Variants in SCHIP1 observed in about 807,000 individuals in gnomAD.
SCHIP1 encodes the protein schwannomin-interacting protein 1.
A neutral mutation model predicts 29.7 loss-of-function variants in SCHIP1; 8 were observed. The observed-to-expected ratio is 0.27, with a 90% CI of 0.16 to 0.49. The LOEUF (loss-of-function observed/expected upper bound fraction) is 0.49, where lower values mean the gene tolerates loss of function less well. SCHIP1 is among the 20% of genes least tolerant of loss of function. The pLI, the probability that SCHIP1 is intolerant of heterozygous loss-of-function variation, is 0.99. For synonymous variants in SCHIP1, 76 were observed against 94.9 expected, an observed-to-expected ratio of 0.80 and a Z score of 1.16; for missense variants, 193 against 294.6, an observed-to-expected ratio of 0.66 and a Z score of 2.52.
At chr3:159,626,293 TAGA>T in the SCHIP1 span, among the ~76,000 whole-genome samples, 2 of 145,664 alleles carry the variant, frequency 1.4e-5, no homozygotes, top group Non-Finnish European at 3.0e-5. Flanking sequence ...GATAGATAGA[TAGA>T]TAGATTTTTT....
At chr3:159,802,541 TA>T in the SCHIP1 span, among the ~76,000 whole-genome samples, 3 of 151,994 alleles carry the variant, frequency 2.0e-5, no homozygotes, top group East Asian at 3.9e-4. Flanking sequence ...TGCCTGATTT[TA>T]AAAAAAAGAA....
At chr3:159,333,613 C>T in the SCHIP1 span, among the ~76,000 whole-genome samples, 1 of 152,100 alleles carries the variant, frequency 6.6e-6, no homozygotes, top group Non-Finnish European at 1.5e-5. Flanking sequence ...ACAGCAGATA[C>T]AAATGACAAG....
At chr3:159,305,337 G>A in the SCHIP1 span, among the ~76,000 whole-genome samples, 3 of 152,276 alleles carry the variant, frequency 2.0e-5, no homozygotes, top group South Asian at 6.2e-4. Context: ...TCAGCTCTTG[G>A]CTCTTGAACA....
chr3:159,838,069 G>T (rs1463815183), upstream of SCHIP1, among the ~76,000 whole-genome samples: 2 of 152,140 alleles, frequency 1.3e-5, no homozygotes, highest in Non-Finnish European at 2.9e-5. Context: ...TGCTGAAATT[G>T]AAGCCTCTGA....
At chr3:159,677,406 T>C in the SCHIP1 span, among the ~76,000 whole-genome samples, 2 of 152,076 alleles carry the variant, frequency 1.3e-5, no homozygotes, top group African/African-American at 2.4e-5. Context: ...CAACGCCCCA[T>C]GGTTCAGGGA....
At chr3:159,561,167 G>A in the SCHIP1 span, among the ~76,000 whole-genome samples, 1 of 152,114 alleles carries the variant, frequency 6.6e-6, no homozygotes, top group South Asian at 2.1e-4. Flanking sequence ...TCAGACTAGG[G>A]TCATTATTTT....
the SCHIP1 span, among the ~76,000 whole-genome samples, chr3:159,704,417 T>TAAAAAAAAAAAAAAAAAAAAAAAA: frequency 5.4e-5 from 5 of 92,642 alleles, no homozygotes; most frequent in African/African-American, 2.1e-4. Flanking sequence ...CAATTTTTTC[T>TAAAAAAAAAAAAAAAAAAAAAAAA]AAAAAAAAAA....
chr3:159,578,049 A>C, the SCHIP1 span, among the ~76,000 whole-genome samples: 1 of 152,186 alleles, frequency 6.6e-6, no homozygotes, highest in African/African-American at 2.4e-5. Flanking sequence ...CTACTCATAG[A>C]TTGAGGGACC....
chr3:159,827,708 G>A, the SCHIP1 span, among the ~76,000 whole-genome samples: 1 of 151,944 alleles, frequency 6.6e-6, no homozygotes, highest in Non-Finnish European at 1.5e-5. Context: ...GGGAGGCTGA[G>A]GCAGGAGAAT....
At chr3:159,548,393 A>C in the SCHIP1 span, among the ~76,000 whole-genome samples, 2 of 151,976 alleles carry the variant, frequency 1.3e-5, no homozygotes, top group African/African-American at 2.4e-5. Context: ...GTGTCTTATA[A>C]CATCAGCTCA....
the SCHIP1 span, among the ~76,000 whole-genome samples, chr3:159,630,613 G>A: frequency 6.6e-6 from 1 of 151,784 alleles, no homozygotes; most frequent in South Asian, 2.1e-4. Flanking sequence ...GTTCTCACTC[G>A]TAAGTGGAGC....
the SCHIP1 span, among the ~76,000 whole-genome samples, chr3:159,405,541 T>G: frequency 3.3e-5 from 5 of 152,160 alleles, no homozygotes; most frequent in Non-Finnish European, 5.9e-5. Context: ...GCAGAATTGG[T>G]CACACAGAGG....
chr3:159,855,636 AAAATAT>A (rs1299318760), intron 1 of SCHIP1, among the ~76,000 whole-genome samples: 1 of 151,836 alleles, frequency 6.6e-6, no homozygotes, highest in East Asian at 1.9e-4. Flanking sequence ...TAAAATGTTT[AAAATAT>A]AAATATAAGT....
the SCHIP1 span, among the ~76,000 whole-genome samples, chr3:159,569,103 G>A: frequency 3.3e-5 from 5 of 152,088 alleles, no homozygotes; most frequent in African/African-American, 1.2e-4. Context: ...ACCTTCCTGA[G>A]TCCCTGTGTT....
chr3:159,886,560 A>G (rs765761789), intron 3 of SCHIP1: 16 of 379,190 alleles, frequency 4.2e-5, no homozygotes, highest in Non-Finnish European at 6.7e-5. Flanking sequence ...CATTAGAGAA[A>G]TCACCAGCCT....
the SCHIP1 span, among the ~76,000 whole-genome samples, chr3:159,434,875 T>C: frequency 1.3e-5 from 2 of 152,240 alleles, no homozygotes; most frequent in African/African-American, 4.8e-5. Flanking sequence ...TGAGAAGGCA[T>C]TGTGTGATTC....
the SCHIP1 span, among the ~76,000 whole-genome samples, chr3:159,330,040 T>G: frequency 6.6e-6 from 1 of 152,186 alleles, no homozygotes; most frequent in Admixed American, 6.5e-5. Flanking sequence ...TCAAAATACT[T>G]GGTCCATTGA....
At chr3:159,305,652 G>C in the SCHIP1 span, among the ~76,000 whole-genome samples, 1 of 152,190 alleles carries the variant, frequency 6.6e-6, no homozygotes, top group Non-Finnish European at 1.5e-5. Context: ...GAGAAAGGAA[G>C]ACAGAGTTAT....
the SCHIP1 span, among the ~76,000 whole-genome samples, chr3:159,647,994 G>T: frequency 1.3e-5 from 2 of 152,196 alleles, no homozygotes; most frequent in African/African-American, 2.4e-5. Flanking sequence ...CACTTCTTCC[G>T]CTAGATCCCA....
Sources: allele counts gnomAD v4.1 joint callset (sites outside exome capture counted in the v4.1 genomes callset), GRCh38; gene constraint gnomAD v4.1.1; transcripts MANE v1.5; gene names NCBI Gene and HGNC (gene_info 2026-07-23, HGNC 2026-07-21).